Variants in GALNT3 observed in about 807,000 individuals in gnomAD.
The protein encoded by GALNT3 is polypeptide N-acetylgalactosaminyltransferase 3.
Under a neutral mutation model 69.8 loss-of-function variants are expected in GALNT3, and 51 were observed. That is an observed-to-expected ratio of 0.73 (90% CI 0.58 to 0.92). The LOEUF (loss-of-function observed/expected upper bound fraction) is 0.92, where lower values mean the gene tolerates loss of function less well. Among genes scored for constraint, GALNT3 ranks in the 40% least tolerant of loss-of-function variants. GALNT3 has a pLI of 0.00. For missense variants in GALNT3, 711 were observed against 760.0 expected (o/e 0.94, Z 0.76); for synonymous variants, 265 against 248.5 (o/e 1.07, Z -0.63).
At chr2:165,785,790 G>C (rs553000993) in intron 1 of GALNT3, among the ~76,000 whole-genome samples, 2 of 152,102 alleles carry the variant, frequency 1.3e-5, no homozygotes, top group Non-Finnish European at 2.9e-5. Flanking sequence ...GCAACAGTCC[G>C]AACAGGGGCA....
At chr2:165,783,829 C>T (rs895222816) in intron 1 of GALNT3, among the ~76,000 whole-genome samples, 1 of 152,108 alleles carries the variant, frequency 6.6e-6, no homozygotes, top group African/African-American at 2.4e-5. Context: ...CCATTAGCTG[C>T]CACCTCCCCA....
intron 3 of GALNT3, 67 bp from the exon 4 acceptor site, chr2:165,762,121 A>C: frequency 8.8e-7 from 1 of 1,139,102 alleles, no homozygotes; most frequent in Middle Eastern, 2.8e-4. Flanking sequence ...TATGAAAGCT[A>C]ATGAAACCAC....
rs1460826846 is a variant in GALNT3 at position 165,754,960 on chromosome 2, G to C, written c.1496C>G (p.Pro499Arg). The C allele has an allele frequency of 6.2e-7, 1 of 1,613,264 alleles. No individual in the cohort carries two copies. The highest frequency in any genetic ancestry group is 8.5e-7 in the Non-Finnish European group (1 of 1,179,580). Residue 499 changes from proline (P) to arginine (R), a missense_variant, in exon 8 of 11, where the codon CCA becomes CGA. Pro to Arg is a moderately radical substitution (Grantham distance 103, BLOSUM62 -2). Coordinates refer to ENST00000392701, the MANE Select transcript of GALNT3 (RefSeq NM_004482.4). ...TCCAGATATAACAGGATTAAGGTCT[G>C]GCACATACACCTCTGGATAAATGTT... ...LNNIYPEVYV[P>R]DLNPVISGYI...
At chr2:165,761,777 T>A (rs1389177763) in intron 4 of GALNT3, 128 bp downstream of exon 4, 8 of 996,004 alleles carry the variant, frequency 8.0e-6, no homozygotes, top group Non-Finnish European at 1.3e-5. Context: ...ATTGCTATAA[T>A]CGCCAGTTGA....
chr2:165,790,892 T>C (rs1683333545), intron 1 of GALNT3, among the ~76,000 whole-genome samples: 1 of 152,128 alleles, frequency 6.6e-6, no homozygotes, highest in East Asian at 1.9e-4. Flanking sequence ...CTGGCTATGT[T>C]TTCTCTAATA....
chr2:165,778,759 C>T (rs530428710), intron 1 of GALNT3, among the ~76,000 whole-genome samples: 1 of 152,310 alleles, frequency 6.6e-6, no homozygotes, highest in Non-Finnish European at 1.5e-5. Context: ...CTAGAACTAG[C>T]TAGGTGCTGA....
chr2:165,788,316 CA>C (rs59428597), intron 1 of GALNT3, among the ~76,000 whole-genome samples: 2,962 of 49,352 alleles, frequency 0.06, 46 homozygotes, highest in African/African-American at 0.13. Context: ...GACATCACCT[CA>C]AAAAAAAAAA....
At position 165,748,509 on chromosome 2, in the gene GALNT3, C is replaced by T. The variant is rs115677211; in HGVS notation, c.*272G>A. 9.3e-4 allele frequency: 415 copies of T among 447,482 alleles called. 2 individuals are homozygous for T. Among genetic ancestry groups the T allele is most frequent in the African/African-American group, 7.6e-3 (390 of 51,142 alleles). The allele number at this position is 447,482 out of a possible 1,614,324, so 27.7% of individuals were successfully genotyped here. A position where few individuals can be genotyped will look rare whatever the true frequency, so the allele number is the denominator to read the frequency against. On this transcript the variant is annotated 3_prime_UTR_variant, in exon 11 of 11. Coordinates refer to ENST00000392701, the MANE Select transcript of GALNT3 (RefSeq NM_004482.4). ...TACAAAACACACAAACATCACTTTA[C>T]TTGGAAAATTATTTTCATCATACTG...
At chr2:165,759,724 T>C (rs559053892) in intron 4 of GALNT3, among the ~76,000 whole-genome samples, 154 bp from the exon 5 acceptor site, 41 of 152,320 alleles carry the variant, frequency 2.7e-4, no homozygotes, top group African/African-American at 9.4e-4. Context: ...CTCAGATTTA[T>C]TGAGATATAA....
rs367583324 is a variant in GALNT3 at position 165,748,907 on chromosome 2, G to A, written c.1780-4C>T. On this transcript the variant is annotated splice_region_variant and splice_polypyrimidine_tract_variant and intron_variant, in intron 10 of 10. Transcript: ENST00000392701. ...ATGGATTGTATAGAAGTTGATCCTA[G>A]AATAAAAGGAAACAACAGACATTAA... 42 of 1,606,976 alleles carry A rather than the reference G, an allele frequency of 2.6e-5. No individual in the cohort carries two copies. Among genetic ancestry groups the A allele is most frequent in the Non-Finnish European group, 3.3e-5 (39 of 1,175,240 alleles).
intron 1 of GALNT3, chr2:165,771,766 A>G (rs1474436373): frequency 2.6e-5 from 4 of 152,234 alleles, no homozygotes; most frequent in Middle Eastern, 3.2e-3. Flanking sequence ...TAAAGAAAAT[A>G]TCATTTATAG....
At chr2:165,780,551 C>T (rs899278766) in intron 1 of GALNT3, among the ~76,000 whole-genome samples, 1 of 152,174 alleles carries the variant, frequency 6.6e-6, no homozygotes, top group African/African-American at 2.4e-5. Context: ...TTCACAGTTA[C>T]TCACGAGTAG....
intron 2 of GALNT3, among the ~76,000 whole-genome samples, chr2:165,767,704 T>C (rs1688667906): frequency 6.6e-6 from 1 of 152,130 alleles, no homozygotes; most frequent in South Asian, 2.1e-4. Context: ...GTCAAACCAT[T>C]TGAAAAACCT....
intron 1 of GALNT3, among the ~76,000 whole-genome samples, chr2:165,780,654 TGTTG>T (rs1683085482): frequency 6.7e-6 from 1 of 148,348 alleles, no homozygotes; most frequent in African/African-American, 2.6e-5. Flanking sequence ...TTTTTGTTGT[TGTTG>T]TTGTTGTTGT....
intron 9 of GALNT3, among the ~76,000 whole-genome samples, chr2:165,752,508 A>G (rs938905526): frequency 2.0e-5 from 3 of 152,218 alleles, no homozygotes; most frequent in South Asian, 2.1e-4. Context: ...ACTTATTGAA[A>G]GAATATGTGA....
intron 2 of GALNT3, among the ~76,000 whole-genome samples, chr2:165,767,886 T>G (rs1688672594): frequency 6.8e-6 from 1 of 146,746 alleles, no homozygotes; most frequent in African/African-American, 2.5e-5. Flanking sequence ...TTTTTTTTTT[T>G]TTTTTTGAGA....
At chr2:165,752,796 C>T (rs973194839) in intron 9 of GALNT3, among the ~76,000 whole-genome samples, 14 of 152,124 alleles carry the variant, frequency 9.2e-5, no homozygotes, top group Non-Finnish European at 1.6e-4. Context: ...TTAATTTTTA[C>T]AAGCATAGAT....
chr2:165,779,213 C>G (rs1489970828), intron 1 of GALNT3, among the ~76,000 whole-genome samples: 1 of 152,148 alleles, frequency 6.6e-6, no homozygotes, highest in Non-Finnish European at 1.5e-5. Context: ...GAAGCCTCAG[C>G]CACTTCAGTG....
At chr2:165,758,975 T>TA in intron 5 of GALNT3, 111 bp from the exon 6 acceptor site, 1 of 783,972 alleles carries the variant, frequency 1.3e-6, no homozygotes, top group South Asian at 1.5e-5. Flanking sequence ...TTCAAAGCTT[T>TA]TATTCAGATT....
Sources: allele counts gnomAD v4.1 joint callset (sites outside exome capture counted in the v4.1 genomes callset), GRCh38; gene constraint gnomAD v4.1.1; transcripts MANE v1.5; gene names NCBI Gene and HGNC (gene_info 2026-07-23, HGNC 2026-07-21).